ZFAND3: variants seen among roughly 807,000 people sequenced by gnomAD.
ZFAND3 encodes AN1-type zinc finger protein 3.
ZFAND3 carries 10 observed loss-of-function variants against 29.6 expected under a neutral mutation model. The observed-to-expected ratio is 0.34, with a 90% CI of 0.21 to 0.57. The LOEUF (loss-of-function observed/expected upper bound fraction) is 0.57. Ranked by LOEUF, ZFAND3 falls within the 20% of genes least tolerant of loss-of-function variation. The probability of loss-of-function intolerance (pLI) is 0.86; values close to 1 mark genes in which losing one functional copy is unlikely to be tolerated. For synonymous variants in ZFAND3, 128 were observed against 112.6 expected, an observed-to-expected ratio of 1.14 and a Z score of -0.87; for missense variants, 230 against 304.5, an observed-to-expected ratio of 0.76 and a Z score of 1.82.
At chr6:37,966,537 A>G (rs1254159004) in intron 2 of ZFAND3, among the ~76,000 whole-genome samples, 1 of 152,104 alleles carries the variant, frequency 6.6e-6, no homozygotes, top group Non-Finnish European at 1.5e-5. Flanking sequence ...TTTTGAACCT[A>G]GGTTTGCCAG....
chr6:37,900,868 A>C (rs892089958), intron 1 of ZFAND3, among the ~76,000 whole-genome samples: 19 of 152,212 alleles, frequency 1.2e-4, no homozygotes, highest in African/African-American at 4.6e-4. Context: ...TGCAGGCAGA[A>C]TATGGAGTGC....
chr6:38,038,873 A>G (rs1182679246), intron 2 of ZFAND3, among the ~76,000 whole-genome samples: 2 of 152,216 alleles, frequency 1.3e-5, no homozygotes, highest in Non-Finnish European at 2.9e-5. Context: ...ACTATCTCTC[A>G]GAAGCTGTTG....
At chr6:38,042,888 C>T (rs550048925) in intron 2 of ZFAND3, among the ~76,000 whole-genome samples, 2 of 152,058 alleles carry the variant, frequency 1.3e-5, no homozygotes. Flanking sequence ...TTTCCCTTTT[C>T]AAATCAGACA....
chr6:38,075,146 A>C (rs567533097), intron 3 of ZFAND3, among the ~76,000 whole-genome samples: 91 of 152,312 alleles, frequency 6.0e-4, no homozygotes, highest in Non-Finnish European at 2.8e-4. Context: ...AGTCATTTTG[A>C]GTTTTAAGTC....
chr6:37,958,824 C>T (rs916970309), intron 2 of ZFAND3, among the ~76,000 whole-genome samples: 1 of 150,348 alleles, frequency 6.7e-6, no homozygotes, highest in Admixed American at 6.6e-5. Context: ...TAGGGATAGA[C>T]GTGAATTCTG....
chr6:38,056,698 A>G (rs554867218), intron 2 of ZFAND3, among the ~76,000 whole-genome samples: 1 of 152,248 alleles, frequency 6.6e-6, no homozygotes, highest in Non-Finnish European at 1.5e-5. Context: ...GGAGAAAACT[A>G]TGCCAGTGAG....
At chr6:37,865,924 T>C (rs1436257956) in intron 1 of ZFAND3, among the ~76,000 whole-genome samples, 3 of 152,328 alleles carry the variant, frequency 2.0e-5, no homozygotes, top group East Asian at 3.9e-4. Flanking sequence ...CCTGCATCTT[T>C]AGCTGCTTTA....
intron 5 of ZFAND3, among the ~76,000 whole-genome samples, chr6:38,124,534 C>T (rs1476709486): frequency 1.3e-5 from 2 of 152,234 alleles, no homozygotes; most frequent in African/African-American, 4.8e-5. Context: ...CGGTGGGCCG[C>T]ACTGCTGGGG....
intron 2 of ZFAND3, among the ~76,000 whole-genome samples, chr6:38,046,197 T>A (rs1763901114): frequency 6.6e-6 from 1 of 152,048 alleles, no homozygotes; most frequent in African/African-American, 2.4e-5. Context: ...AGAAAAAAAA[T>A]TATAAAGGAT....
chr6:38,054,252 G>A (rs1040055505), intron 2 of ZFAND3, among the ~76,000 whole-genome samples: 3 of 150,550 alleles, frequency 2.0e-5, no homozygotes, highest in South Asian at 2.1e-4. Flanking sequence ...AAGGTAGCTC[G>A]GTGTGGTGGT....
intron 2 of ZFAND3, among the ~76,000 whole-genome samples, chr6:37,966,097 G>A (rs914263370): frequency 6.6e-5 from 10 of 152,012 alleles, no homozygotes; most frequent in Admixed American, 5.9e-4. Flanking sequence ...TTACACAACC[G>A]CAAACCAGAC....
At chr6:38,065,883 T>C (rs916441591) in intron 3 of ZFAND3, among the ~76,000 whole-genome samples, 1 of 152,266 alleles carries the variant, frequency 6.6e-6, no homozygotes, top group Non-Finnish European at 1.5e-5. Context: ...TTTAGCAGTC[T>C]TTGCTGAGTG....
rs566059457 is a variant in ZFAND3 at position 38,056,922 on chromosome 6, T to C, written c.113-4671T>C. On this transcript the variant is annotated intron_variant, in intron 2 of 5. Coordinates refer to ENST00000287218, the MANE Select transcript of ZFAND3 (RefSeq NM_021943.3). Reference sequence around the variant, plus strand: ...CCATTAAAGTGCAAACGTTTTTAAATTCAGTTTTTACAAGTAACAGTTTGC... The same window carrying C: ...CCATTAAAGTGCAAACGTTTTTAAACTCAGTTTTTACAAGTAACAGTTTGC... Among the ~76,000 whole-genome samples, 469 of 152,332 alleles carry C rather than the reference T, an allele frequency of 3.1e-3. 3 individuals carry two copies. The highest frequency in any genetic ancestry group is 0.011 in the African/African-American group (446 of 41,572).
intron 1 of ZFAND3, among the ~76,000 whole-genome samples, chr6:37,869,829 A>C (rs932716231): frequency 7.1e-6 from 1 of 141,554 alleles, no homozygotes; most frequent in Admixed American, 7.0e-5. Flanking sequence ...TGTTAATCTT[A>C]AAAAAAAAAA....
At chr6:38,122,083 G>A (rs368953794) in intron 5 of ZFAND3, among the ~76,000 whole-genome samples, 1 of 152,220 alleles carries the variant, frequency 6.6e-6, no homozygotes, top group African/African-American at 2.4e-5. Context: ...TCTGTTACTG[G>A]CATGGACTCA....
chr6:38,053,435 G>A (rs190942054), intron 2 of ZFAND3, among the ~76,000 whole-genome samples: 1 of 152,066 alleles, frequency 6.6e-6, no homozygotes, highest in East Asian at 1.9e-4. Flanking sequence ...TGTAATCCCA[G>A]CACTTTGGAA....
intron 1 of ZFAND3, among the ~76,000 whole-genome samples, chr6:37,919,513 T>C (rs1043745312): frequency 1.3e-5 from 2 of 152,162 alleles, no homozygotes; most frequent in Non-Finnish European, 2.9e-5. Flanking sequence ...AATATCACAT[T>C]CATTTTTTTT....
chr6:38,061,175 T>A (rs1029875177), intron 2 of ZFAND3, among the ~76,000 whole-genome samples: 5 of 152,242 alleles, frequency 3.3e-5, no homozygotes, highest in Admixed American at 2.6e-4. Flanking sequence ...TACTGACATA[T>A]TTGTACTTAT....
chr6:37,949,842 C>A (rs941780482), intron 2 of ZFAND3, among the ~76,000 whole-genome samples: 3 of 152,190 alleles, frequency 2.0e-5, no homozygotes, highest in Non-Finnish European at 4.4e-5. Context: ...CTTCCTCTTG[C>A]CCTATACATG....
Sources: allele counts gnomAD v4.1 joint callset (sites outside exome capture counted in the v4.1 genomes callset), GRCh38; gene constraint gnomAD v4.1.1; transcripts MANE v1.5; gene names NCBI Gene and HGNC (gene_info 2026-07-23, HGNC 2026-07-21).